RGS7: variants seen among roughly 807,000 people sequenced by gnomAD.
RGS7 encodes the protein regulator of G-protein signaling 7.
A neutral mutation model predicts 81.1 loss-of-function variants in RGS7; 27 were observed. The ratio of observed to expected loss-of-function variants is 0.33; its 90% confidence interval spans 0.25 to 0.46. The LOEUF (loss-of-function observed/expected upper bound fraction) is 0.46, where lower values mean the gene tolerates loss of function less well. Ranked by LOEUF, RGS7 falls within the 20% of genes least tolerant of loss-of-function variation. RGS7 has a pLI of 1.00. For synonymous variants in RGS7, 208 were observed against 207.7 expected (o/e 1.00, Z -0.01); for missense variants, 396 against 607.4 (o/e 0.65, Z 3.66).
intron 9 of RGS7, among the ~76,000 whole-genome samples, chr1:240,843,262 T>A (rs10926367): frequency 0.67 from 102,327 of 152,040 alleles, 34,903 homozygotes; most frequent in Middle Eastern, 0.77. Flanking sequence ...CAAATATCTT[T>A]TTTTCTTTTT....
At chr1:241,225,411 C>T (rs1305047285) in intron 2 of RGS7, among the ~76,000 whole-genome samples, 1 of 152,164 alleles carries the variant, frequency 6.6e-6, no homozygotes, top group Non-Finnish European at 1.5e-5. Flanking sequence ...AGCATAAGAG[C>T]TTTAAACAAA....
chr1:241,122,220 T>C (rs2066324750), intron 2 of RGS7, among the ~76,000 whole-genome samples: 1 of 152,222 alleles, frequency 6.6e-6, no homozygotes, highest in Middle Eastern at 3.2e-3. Flanking sequence ...TAAATGAATA[T>C]GTGATCTGTA....
intron 2 of RGS7, among the ~76,000 whole-genome samples, chr1:241,122,647 G>A (rs1438049363): frequency 6.9e-6 from 1 of 144,204 alleles, no homozygotes. Flanking sequence ...TGGCCAGCAA[G>A]AGAGAAACTC....
At chr1:241,075,778 C>T (rs2062764068) in intron 3 of RGS7, among the ~76,000 whole-genome samples, 1 of 152,108 alleles carries the variant, frequency 6.6e-6, no homozygotes, top group Non-Finnish European at 1.5e-5. Flanking sequence ...TATACCTTTA[C>T]ACAATTTCAT....
chr1:241,177,574 G>A (rs2071252953), intron 2 of RGS7, among the ~76,000 whole-genome samples: 1 of 152,196 alleles, frequency 6.6e-6, no homozygotes, highest in East Asian at 1.9e-4. Flanking sequence ...ATAGGACTGT[G>A]CATGTTGAGT....
chr1:241,072,773 C>T (rs1048133047), intron 3 of RGS7, among the ~76,000 whole-genome samples: 3 of 152,192 alleles, frequency 2.0e-5, no homozygotes, highest in Admixed American at 6.5e-5. Flanking sequence ...AATATGCACA[C>T]GATAGCACCA....
chr1:240,991,408 T>C (rs1299939186), intron 3 of RGS7, among the ~76,000 whole-genome samples: 2 of 152,182 alleles, frequency 1.3e-5, no homozygotes, highest in Admixed American at 6.5e-5. Flanking sequence ...TGCCCTCTAC[T>C]GGAGCTCAGG....
chr1:240,942,475 TA>T (rs1270297743), intron 4 of RGS7, among the ~76,000 whole-genome samples: 1 of 152,238 alleles, frequency 6.6e-6, no homozygotes, highest in African/African-American at 2.4e-5. Flanking sequence ...GAAAGTAATT[TA>T]AAAACTTCAC....
intron 3 of RGS7, among the ~76,000 whole-genome samples, chr1:241,016,370 T>G (rs1282305481): frequency 6.6e-6 from 1 of 151,926 alleles, no homozygotes; most frequent in Non-Finnish European, 1.5e-5. Context: ...ATACAAAAAT[T>G]AGCTGGGTGT....
chr1:241,336,584 C>T (rs1046681976), intron 2 of RGS7, among the ~76,000 whole-genome samples: 1 of 152,210 alleles, frequency 6.6e-6, no homozygotes, highest in East Asian at 1.9e-4. Flanking sequence ...CCTCCTTCGG[C>T]TTTCTTAACA....
intron 4 of RGS7, among the ~76,000 whole-genome samples, chr1:240,976,621 C>T (rs938223470): frequency 6.6e-6 from 1 of 152,130 alleles, no homozygotes; most frequent in African/African-American, 2.4e-5. Flanking sequence ...TGCCACCAGA[C>T]CTCCTTAAAC....
chr1:241,256,150 A>G (rs1004783242), intron 2 of RGS7, among the ~76,000 whole-genome samples: 1 of 152,262 alleles, frequency 6.6e-6, no homozygotes, highest in African/African-American at 2.4e-5. Flanking sequence ...AATTCATTTC[A>G]GCAAGACTGA....
At chr1:240,989,586 C>A (rs978125394) in intron 3 of RGS7, among the ~76,000 whole-genome samples, 1 of 151,942 alleles carries the variant, frequency 6.6e-6, no homozygotes, top group Non-Finnish European at 1.5e-5. Flanking sequence ...ACTGAGACAC[C>A]CCATGGTTCC....
At chr1:241,106,964 T>A (rs913965793) in intron 2 of RGS7, among the ~76,000 whole-genome samples, 1 of 151,676 alleles carries the variant, frequency 6.6e-6, no homozygotes, top group Admixed American at 6.6e-5. Context: ...TGAAAATAAA[T>A]AAACAGATAA....
chr1:240,937,351 C>G lies in RGS7; in HGVS notation c.227-645G>C, dbSNP rs373831841. Among the ~76,000 whole-genome samples, 35 of 152,308 alleles carry G rather than the reference C, an allele frequency of 2.3e-4. 1 individual carries two copies. Among genetic ancestry groups the G allele is most frequent in the East Asian group, 1.9e-3 (10 of 5,184 alleles). On this transcript the variant is annotated intron_variant, in intron 4 of 18. Transcript: ENST00000440928. ...GAGTGCTCGTTTTCCTTGCGACTCC[C>G]AGCTCTTGTTTCTAACACTTTAGAG...
rs1461736274 is a variant in RGS7, at chr1:241,163,426, G to A, written c.79-64664C>T. ...AGCCATGCAAAGCTGTCTTTTGTCG[G>A]GGAGATACACATCTGCAGAGAAAAT... On this transcript the variant is annotated intron_variant, in intron 2 of 18. Transcript: ENST00000440928. This position sits in a 1 kb window ranked among gnomAD's most constrained non-coding sequence, Gnocchi z 4.6. Among the ~76,000 whole-genome samples, 1 of 152,152 alleles carries A rather than the reference G, an allele frequency of 6.6e-6. No homozygotes were observed. The highest frequency in any genetic ancestry group is 1.5e-5 in the Non-Finnish European group (1 of 68,024).
chr1:241,093,368 G>A (rs59022855), intron 3 of RGS7, among the ~76,000 whole-genome samples: 5,210 of 152,014 alleles, frequency 0.034, 298 homozygotes, highest in African/African-American at 0.12. Context: ...TTGGTTCCTC[G>A]TACAAGTTAG....
chr1:241,193,908 T>C (rs2072876810), intron 2 of RGS7, among the ~76,000 whole-genome samples: 1 of 152,188 alleles, frequency 6.6e-6, no homozygotes, highest in Non-Finnish European at 1.5e-5. Context: ...TGAATGAATG[T>C]TCCTGGAATA....
In RGS7 at chr1:240,848,090, G is replaced by A. The variant is rs185165119; in HGVS notation, c.609+20497C>T. On this transcript the variant is annotated intron_variant, in intron 9 of 18. Transcript: ENST00000440928. ...GATCAAAATTATTTCCATAAAGATCGGAAGCCATCACTGCCTTGTTCTCAG... is the reference window on the plus strand; with the variant it reads ...GATCAAAATTATTTCCATAAAGATCAGAAGCCATCACTGCCTTGTTCTCAG... Among the ~76,000 whole-genome samples, 590 of 152,200 alleles carry A rather than the reference G, an allele frequency of 3.9e-3. 4 individuals carry two copies. Among genetic ancestry groups the A allele is most frequent in the Non-Finnish European group, 6.6e-3 (452 of 67,986 alleles).
Sources: gnomAD v4.1 joint callset for allele counts (sites outside exome capture counted in the v4.1 genomes callset) on GRCh38, gnomAD v4.1.1 for gene constraint, Gnocchi (gnomAD v3.1) non-coding constraint, MANE v1.5 for transcripts, NCBI Gene and HGNC (gene_info 2026-07-23, HGNC 2026-07-21) for gene names.